EVI5: variants seen among roughly 807,000 people sequenced by gnomAD.
The protein encoded by EVI5 is ecotropic viral integration site 5 protein homolog.
A neutral mutation model predicts 112.0 loss-of-function variants in EVI5; 73 were observed. That is an observed-to-expected ratio of 0.65 (90% CI 0.54 to 0.79). The LOEUF is 0.79. EVI5 is among the 30% of genes least tolerant of loss of function. The probability of loss-of-function intolerance (pLI) is 0.00; values close to 1 mark genes in which losing one functional copy is unlikely to be tolerated. For missense variants in EVI5, 900 were observed against 968.8 expected, an observed-to-expected ratio of 0.93 and a Z score of 0.94; for synonymous variants, 305 against 319.9, an observed-to-expected ratio of 0.95 and a Z score of 0.50.
intron 18 of EVI5, among the ~76,000 whole-genome samples, chr1:92,604,876 C>T (rs908072880): frequency 6.6e-6 from 1 of 152,066 alleles, no homozygotes; most frequent in Non-Finnish European, 1.5e-5. Context: ...ATATGCTGTC[C>T]GTCACTGAAA....
intron 1 of EVI5, among the ~76,000 whole-genome samples, chr1:92,781,949 T>C (rs1341731701): frequency 1.1e-5 from 1 of 89,694 alleles, no homozygotes; most frequent in Non-Finnish European, 2.2e-5. Flanking sequence ...AGTGAGATTC[T>C]GTCTCAAAAA....
intron 1 of EVI5, among the ~76,000 whole-genome samples, chr1:92,777,732 T>C (rs910432567): frequency 1.3e-5 from 2 of 152,126 alleles, no homozygotes; most frequent in African/African-American, 4.8e-5. Flanking sequence ...CACACACACA[T>C]CTAATTTTGC....
intron 11 of EVI5, among the ~76,000 whole-genome samples, chr1:92,664,934 C>T (rs1316442500): frequency 1.3e-5 from 2 of 152,140 alleles, no homozygotes; most frequent in African/African-American, 2.4e-5. Flanking sequence ...TGGCTGGGCA[C>T]GGTGGCTCAT....
chr1:92,560,091 A>G (rs1316756006), intron 19 of EVI5, among the ~76,000 whole-genome samples: 1 of 152,230 alleles, frequency 6.6e-6, no homozygotes, highest in Non-Finnish European at 1.5e-5. Flanking sequence ...TAGACAGTAT[A>G]AACTGGCATA....
intron 18 of EVI5, 139 bp from the exon 19 acceptor site, chr1:92,563,876 C>A (rs937217819): frequency 3.9e-5 from 18 of 466,948 alleles, no homozygotes; most frequent in African/African-American, 3.6e-4. Context: ...TCTCAAACTA[C>A]CTCTGACAAA....
intron 19 of EVI5, among the ~76,000 whole-genome samples, chr1:92,541,303 A>G (rs1664768584): frequency 6.6e-6 from 1 of 152,242 alleles, no homozygotes; most frequent in Non-Finnish European, 1.5e-5. Context: ...TTATAAAAAG[A>G]CAATCCAATT....
chr1:92,617,404 C>A lies in EVI5; in HGVS notation c.1827+6772G>T, dbSNP rs189048183. 1.5e-3 allele frequency among the ~76,000 whole-genome samples: 233 copies of A among 152,256 alleles called. 2 individuals carry two copies. The highest frequency in any genetic ancestry group is 0.01 in the Middle Eastern group (3 of 294). ...ATGTGGATGGACCTCTCTGAGTGGC[C>A]AAAATCTGTGAAGACATTTGTATCC... is the stretch of plus-strand genomic sequence containing the variant. On this transcript the variant is annotated intron_variant, in intron 16 of 19. Coordinates refer to ENST00000684568, the MANE Select transcript of EVI5 (RefSeq NM_001350197.2).
At chr1:92,711,836 T>C (rs187882987) in intron 2 of EVI5, among the ~76,000 whole-genome samples, 2 of 152,316 alleles carry the variant, frequency 1.3e-5, no homozygotes, top group Admixed American at 1.3e-4. Flanking sequence ...TATAACAAAA[T>C]ATCTTGGACT....
rs753779920 is a variant in EVI5 at position 92,677,226 on chromosome 1, A to G, written c.1098-8T>C. 1 of 1,504,352 alleles carries G rather than the reference A, an allele frequency of 6.6e-7. No individual in the cohort carries two copies. Among genetic ancestry groups the G allele is most frequent in the South Asian group, 1.2e-5 (1 of 82,206 alleles). 93.2% of individuals were successfully genotyped at this position (1,504,352 alleles called of 1,614,324 possible). ...GTGTATTCCTTTTCAAGCCTAAGAAAGGAAAAAAAAAGAGTTAAAGGTAAT... is the reference window on the plus strand; with the variant it reads ...GTGTATTCCTTTTCAAGCCTAAGAAGGGAAAAAAAAAGAGTTAAAGGTAAT... On this transcript the variant is annotated splice_region_variant and splice_polypyrimidine_tract_variant and intron_variant, in intron 9 of 19. Coordinates refer to ENST00000684568, the MANE Select transcript of EVI5 (RefSeq NM_001350197.2).
intron 19 of EVI5, among the ~76,000 whole-genome samples, chr1:92,521,447 T>C (rs1174964042): frequency 6.6e-6 from 1 of 152,174 alleles, no homozygotes; most frequent in Non-Finnish European, 1.5e-5. Context: ...TCCCAGCACT[T>C]TGGGAGGCCA....
chr1:92,570,498 A>G (rs916248245), intron 18 of EVI5, among the ~76,000 whole-genome samples: 2 of 152,178 alleles, frequency 1.3e-5, no homozygotes, highest in African/African-American at 4.8e-5. Flanking sequence ...TCCTTAATAA[A>G]GGTAAAGTTC....
chr1:92,520,960 T>G (rs986427598), intron 19 of EVI5, among the ~76,000 whole-genome samples: 28 of 147,948 alleles, frequency 1.9e-4, no homozygotes, highest in Non-Finnish European at 2.7e-4. Flanking sequence ...GATTGCTGCT[T>G]CTTCTTTTTT....
At chr1:92,624,073 A>G in intron 16 of EVI5, 103 bp downstream of exon 16, 2 of 1,055,806 alleles carry the variant, frequency 1.9e-6, no homozygotes, top group Middle Eastern at 3.1e-4. Flanking sequence ...ATACAGCTTC[A>G]TATCTTTACC....
intron 13 of EVI5, among the ~76,000 whole-genome samples, chr1:92,641,022 G>T (rs1659858595): frequency 6.6e-6 from 1 of 152,230 alleles, no homozygotes; most frequent in East Asian, 1.9e-4. Flanking sequence ...TGAGCAATGA[G>T]AACACATGGA....
chr1:92,671,660 A>T (rs1443112420), intron 10 of EVI5, among the ~76,000 whole-genome samples: 1 of 152,136 alleles, frequency 6.6e-6, no homozygotes, highest in Non-Finnish European at 1.5e-5. Flanking sequence ...CATCTCAGGT[A>T]ATGGGAACAC....
At chr1:92,555,624 C>T (rs117082701) in intron 19 of EVI5, among the ~76,000 whole-genome samples, 1 of 152,120 alleles carries the variant, frequency 6.6e-6, no homozygotes, top group East Asian at 1.9e-4. Context: ...CCGAGGGGCA[C>T]AGACTGCCTG....
At chr1:92,657,393 C>T (rs376921438) in intron 13 of EVI5, among the ~76,000 whole-genome samples, 7 of 152,120 alleles carry the variant, frequency 4.6e-5, no homozygotes, top group Admixed American at 1.3e-4. Flanking sequence ...CCAGGTACGT[C>T]GGCTCATGCC....
chr1:92,692,556 CT>C (rs1669663133), intron 9 of EVI5, among the ~76,000 whole-genome samples: 1 of 152,110 alleles, frequency 6.6e-6, no homozygotes, highest in Admixed American at 6.5e-5. Flanking sequence ...TTAGAGCTAA[CT>C]TTTTAATTTT....
chr1:92,629,047 C>A (rs973045932), intron 14 of EVI5, among the ~76,000 whole-genome samples: 1 of 152,176 alleles, frequency 6.6e-6, no homozygotes, highest in African/African-American at 2.4e-5. Flanking sequence ...AACCCAAATA[C>A]ACTTCTATCA....
Sources: allele counts gnomAD v4.1 joint callset (sites outside exome capture counted in the v4.1 genomes callset), GRCh38; gene constraint gnomAD v4.1.1; transcripts MANE v1.5; gene names NCBI Gene and HGNC (gene_info 2026-07-23, HGNC 2026-07-21).